The following ASPH variants were observed in gnomAD, a reference collection of about 807,000 sequenced individuals.
ASPH encodes aspartate beta-hydroxylase.
A neutral mutation model predicts 118.4 loss-of-function variants in ASPH; 100 were observed. The ratio of observed to expected loss-of-function variants is 0.84; its 90% CI spans 0.72 to 1.00. The LOEUF (loss-of-function observed/expected upper bound fraction) is 1.00, where lower values mean the gene tolerates loss of function less well. Ranked by LOEUF, ASPH falls within the 50% of genes least tolerant of loss-of-function variation. ASPH has a pLI of 0.00. For missense variants in ASPH, 920 were observed against 919.5 expected (o/e 1.00, Z -0.01); for synonymous variants, 315 against 325.6 (o/e 0.97, Z 0.35).
chr8:61,517,615 G>A lies in ASPH; in HGVS notation c.2039C>T (p.Thr680Ile). ...TCGGAGCCTGCAGTTTGTGGGCCCT[G>A]TGTGCGGCCACACGTGAGTCCCGGG... The part of the protein sequence containing the change: ...MHPGTHVWPH[T>I]GPTNCRLRMH... The change falls in exon 24 of 25, where the codon ACA (threonine) becomes ATA (isoleucine). Residue 680 changes from threonine to isoleucine, a missense_variant. Coordinates refer to ENST00000379454, the MANE Select transcript of ASPH (RefSeq NM_004318.4). 8 of 1,614,124 alleles carry A rather than the reference G, an allele frequency of 5.0e-6. No homozygotes were observed. Among genetic ancestry groups the A allele is most frequent in the Non-Finnish European group, 6.8e-6 (8 of 1,179,964 alleles).
intron 14 of ASPH, among the ~76,000 whole-genome samples, chr8:61,618,606 T>C (rs1849829622): frequency 2.0e-5 from 3 of 152,212 alleles, no homozygotes; most frequent in Non-Finnish European, 4.4e-5. Flanking sequence ...TAGCTATTGC[T>C]TTAAGCACTT....
intron 21 of ASPH, among the ~76,000 whole-genome samples, chr8:61,536,384 G>T (rs6992793): frequency 0.077 from 11,719 of 152,240 alleles, 1,249 homozygotes; most frequent in African/African-American, 0.24. Flanking sequence ...AATGAAGTGA[G>T]AAATGCAAAG....
At chr8:61,579,073 A>G in intron 15 of ASPH, 1 of 1,610,750 alleles carries the variant, frequency 6.2e-7, no homozygotes, top group Middle Eastern at 2.1e-4. Flanking sequence ...TACCAGATCA[A>G]GTATGAGGAG....
At chr8:61,646,287 C>T (rs767560882) in intron 6 of ASPH, among the ~76,000 whole-genome samples, 20 of 152,110 alleles carry the variant, frequency 1.3e-4, no homozygotes, top group Non-Finnish European at 2.8e-4. Flanking sequence ...TCTGTACGAT[C>T]CAGAAAACCT....
intron 1 of ASPH, among the ~76,000 whole-genome samples, chr8:61,706,189 G>T (rs998527108): frequency 6.6e-6 from 1 of 151,410 alleles, no homozygotes; most frequent in Non-Finnish European, 1.5e-5. Flanking sequence ...TTGGGAAGTC[G>T]AGATGAGCAG....
chr8:61,542,429 C>T (rs546983287), intron 21 of ASPH, among the ~76,000 whole-genome samples: 8 of 152,160 alleles, frequency 5.3e-5, no homozygotes, highest in Admixed American at 6.5e-5. Context: ...AGAATTAATA[C>T]CTTTAATTAA....
rs776295942 is a variant in ASPH at position 61,584,014 on chromosome 8, G to A, written c.992C>T (p.Pro331Leu). ...CTTATCAAATTTATTTAAAAGTTTAGGCTTCTTTTTCTTAACTGAAAGAAA... is the reference window on the plus strand; with the variant it reads ...CTTATCAAATTTATTTAAAAGTTTAAGCTTCTTTTTCTTAACTGAAAGAAA... ...EQKAKVKKKK[P>L]KLLNKFDKTI... The change falls in exon 15 of 25, where the codon CCT (proline) becomes CTT (leucine). Residue 331 changes from proline to leucine, a missense_variant. Physicochemically the swap from Pro to Leu is moderately conservative, Grantham distance 98. Transcript: ENST00000379454. 3.2e-6 allele frequency: 5 copies of A among 1,549,326 alleles called. No individual in the cohort carries two copies. Among genetic ancestry groups the A allele is most frequent in the Non-Finnish European group, 3.5e-6 (4 of 1,141,234 alleles).
chr8:61,659,749 G>A (rs114965330), intron 3 of ASPH: 2 of 152,302 alleles, frequency 1.3e-5, no homozygotes, highest in Admixed American at 6.5e-5. Context: ...AACCTTATGG[G>A]TCTGCTACAT....
chr8:61,638,810 C>A (rs1859101408), intron 10 of ASPH, among the ~76,000 whole-genome samples: 1 of 152,124 alleles, frequency 6.6e-6, no homozygotes, highest in South Asian at 2.1e-4. Flanking sequence ...GCCCTTGCCT[C>A]CCTCATTTGC....
intron 3 of ASPH, among the ~76,000 whole-genome samples, chr8:61,666,464 C>A (rs1819658655): frequency 5.9e-5 from 9 of 152,116 alleles, no homozygotes; most frequent in Admixed American, 5.9e-4. Flanking sequence ...CACATTTAAG[C>A]AGAAGCAATG....
intron 24 of ASPH, among the ~76,000 whole-genome samples, chr8:61,511,276 A>AT (rs548525980): frequency 6.6e-6 from 1 of 152,156 alleles, no homozygotes; most frequent in Non-Finnish European, 1.5e-5. Flanking sequence ...TTGCCAATTC[A>AT]TTTTTTCAGT....
At chr8:61,603,453 A>G (rs1844697925) in intron 14 of ASPH, among the ~76,000 whole-genome samples, 1 of 152,198 alleles carries the variant, frequency 6.6e-6, no homozygotes, top group South Asian at 2.1e-4. Flanking sequence ...ATTAAGAAAT[A>G]CTGAATAGGA....
chr8:61,647,986 T>C (rs896968392), intron 5 of ASPH, among the ~76,000 whole-genome samples: 29 of 152,130 alleles, frequency 1.9e-4, no homozygotes, highest in African/African-American at 5.8e-4. Flanking sequence ...AGAAAGTGAA[T>C]GGGCAGGACT....
At chr8:61,675,973 C>A in intron 3 of ASPH, 1 of 1,533,782 alleles carries the variant, frequency 6.5e-7, no homozygotes, top group East Asian at 2.3e-5. Flanking sequence ...AGATCACAAC[C>A]ACCCCACTGC....
intron 14 of ASPH, among the ~76,000 whole-genome samples, chr8:61,585,048 C>A (rs2350620): frequency 1.3e-5 from 2 of 152,030 alleles, no homozygotes; most frequent in African/African-American, 4.8e-5. Context: ...TAATCCTTCA[C>A]GCGCTTATCT....
Position 61,562,857 on chromosome 8 carries a change from T to C in ASPH, c.1324A>G (p.Thr442Ala). ...FLGHMRGSLLTLQRLVQLFPN... is the reference protein window; with the variant it reads ...FLGHMRGSLLALQRLVQLFPN... ...AATAGTTGAACTAATCTCTGCAGGG[T>C]AAGCAGGGAACCTCTCATATGACCT... is the stretch of plus-strand genomic sequence containing the variant. Residue 442 changes from threonine (T) to alanine (A), a missense_variant, in exon 18 of 25, where the codon ACC becomes GCC. Thr to Ala is a moderately conservative substitution (Grantham distance 58). Coordinates refer to ENST00000379454, the MANE Select transcript of ASPH (RefSeq NM_004318.4). 6.2e-7 allele frequency: 1 copy of C among 1,608,050 alleles called. No individual in the cohort carries two copies. The highest frequency in any genetic ancestry group is 1.7e-4 in the Middle Eastern group (1 of 6,032).
chr8:61,502,871 A>G lies in ASPH; in HGVS notation c.*488T>C, dbSNP rs2129610006. On this transcript the variant is annotated 3_prime_UTR_variant, in exon 25 of 25. Coordinates refer to ENST00000379454, the MANE Select transcript of ASPH (RefSeq NM_004318.4). ...GAAGTCTGAGTTCCCCAGTAATGCT[A>G]CCATTAAATAGCTAGAAGTAAAGCA... The G allele has an allele frequency of 6.6e-6, 1 of 152,402 alleles. No individual in the cohort carries two copies. The highest frequency in any genetic ancestry group is 2.4e-5 in the African/African-American group (1 of 41,596). The allele number at this position is 152,402 out of a possible 1,614,324, so 9.4% of individuals were successfully genotyped here.
chr8:61,695,840 A>C (rs931919036), intron 1 of ASPH, among the ~76,000 whole-genome samples: 2 of 152,200 alleles, frequency 1.3e-5, no homozygotes, highest in Non-Finnish European at 2.9e-5. Flanking sequence ...GAGTAATCAA[A>C]CTTCTTCTGC....
intron 1 of ASPH, 85 bp from the exon 2 acceptor site, chr8:61,684,273 G>A: frequency 4.3e-6 from 6 of 1,407,902 alleles, no homozygotes; most frequent in Admixed American, 2.3e-5. Flanking sequence ...CAATAATTTG[G>A]GATTATGTAC....
Sources: gnomAD v4.1 joint callset for allele counts (sites outside exome capture counted in the v4.1 genomes callset) on GRCh38, gnomAD v4.1.1 for gene constraint, MANE v1.5 for transcripts, NCBI Gene and HGNC (gene_info 2026-07-23, HGNC 2026-07-21) for gene names.